CPQ: variants seen among roughly 807,000 people sequenced by gnomAD.
The protein encoded by CPQ is Ser-Met dipeptidase.
A neutral mutation model predicts 45.7 loss-of-function variants in CPQ; 37 were observed. The ratio of observed to expected loss-of-function variants is 0.81; its 90% CI spans 0.62 to 1.07. The LOEUF is 1.07. Ranked by LOEUF, CPQ falls within the 50% of genes least tolerant of loss-of-function variation. The pLI, the probability that CPQ is intolerant of heterozygous loss-of-function variation, is 0.00. For synonymous variants in CPQ, 186 were observed against 205.8 expected (o/e 0.90, Z 0.82); for missense variants, 537 against 572.9 (o/e 0.94, Z 0.64).
At chr8:96,918,806 T>C (rs1185058456) in intron 4 of CPQ, among the ~76,000 whole-genome samples, 2 of 152,072 alleles carry the variant, frequency 1.3e-5, no homozygotes, top group South Asian at 2.1e-4. Context: ...TCTCCTGGCA[T>C]TGGAAGGATG....
At chr8:96,956,834 C>A (rs996989936) in intron 4 of CPQ, among the ~76,000 whole-genome samples, 1 of 152,152 alleles carries the variant, frequency 6.6e-6, no homozygotes, top group Non-Finnish European at 1.5e-5. Context: ...AGTCTCAACA[C>A]AGGAGTTATT....
Position 97,137,006 on chromosome 8 carries a change from G to C in CPQ, c.1256-6014G>C, listed in dbSNP as rs1307592867. Among the ~76,000 whole-genome samples, 3 of 152,166 alleles carry C rather than the reference G, an allele frequency of 2.0e-5. No homozygotes were observed. The East Asian group carries it at 5.8e-4, about 29-fold the overall frequency. On this transcript the variant is annotated intron_variant, in intron 7 of 7. Coordinates refer to ENST00000220763, the MANE Select transcript of CPQ (RefSeq NM_016134.4). ...GATAAAATGTCTCCTTGGAACTACA[G>C]AGACAAAGTTGCAAGCCAGCCAGCG...
chr8:97,001,321 T>C (rs1809276333), intron 5 of CPQ, among the ~76,000 whole-genome samples: 2 of 151,882 alleles, frequency 1.3e-5, no homozygotes, highest in African/African-American at 4.8e-5. Flanking sequence ...TAGTGAAATC[T>C]GATTTTCAAG....
chr8:96,692,660 G>T (rs1047645779), intron 1 of CPQ, among the ~76,000 whole-genome samples: 2 of 152,152 alleles, frequency 1.3e-5, no homozygotes, highest in African/African-American at 4.8e-5. Context: ...CAGCTGCAAT[G>T]ACCAAAAACT....
chr8:96,695,490 A>G (rs1423236490), intron 1 of CPQ, among the ~76,000 whole-genome samples: 1 of 152,066 alleles, frequency 6.6e-6, no homozygotes, highest in African/African-American at 2.4e-5. Context: ...AACTACCATC[A>G]GAGTGAACAG....
chr8:96,942,566 G>C (rs1373250026), intron 4 of CPQ, among the ~76,000 whole-genome samples: 1 of 152,170 alleles, frequency 6.6e-6, no homozygotes, highest in Non-Finnish European at 1.5e-5. Context: ...AGCTGATACA[G>C]AAGATCCATC....
At chr8:96,819,468 A>C (rs564098085) in intron 2 of CPQ, among the ~76,000 whole-genome samples, 1 of 152,064 alleles carries the variant, frequency 6.6e-6, no homozygotes, top group African/African-American at 2.4e-5. Flanking sequence ...AATCAAAAGG[A>C]GTTAAATCAG....
chr8:96,755,386 A>C (rs1184739284), intron 1 of CPQ, among the ~76,000 whole-genome samples: 1 of 151,776 alleles, frequency 6.6e-6, no homozygotes, highest in African/African-American at 2.4e-5. Flanking sequence ...TTTAATTATT[A>C]CTTTCATTAT....
At chr8:97,056,683 C>T (rs1810460353) in intron 6 of CPQ, 1 of 152,122 alleles carries the variant, frequency 6.6e-6, no homozygotes, top group Non-Finnish European at 1.5e-5. Flanking sequence ...TTAGAGATTG[C>T]CTAAGCTCTG....
chr8:96,859,588 T>A (rs1811901222), intron 3 of CPQ, among the ~76,000 whole-genome samples: 1 of 152,190 alleles, frequency 6.6e-6, no homozygotes, highest in Non-Finnish European at 1.5e-5. Context: ...CTTTCTATAA[T>A]TTTACTGTTG....
At chr8:96,703,787 C>T (rs1809499268) in intron 1 of CPQ, among the ~76,000 whole-genome samples, 1 of 152,000 alleles carries the variant, frequency 6.6e-6, no homozygotes. Context: ...TATGGGTATC[C>T]TATACTCTGT....
At chr8:96,867,446 G>A (rs896411052) in intron 3 of CPQ, among the ~76,000 whole-genome samples, 12 of 151,806 alleles carry the variant, frequency 7.9e-5, no homozygotes, top group Non-Finnish European at 1.3e-4. Context: ...TTTATAGTCC[G>A]GTTGGTAGAG....
At chr8:97,123,002 TATA>T (rs1376383504) in intron 7 of CPQ, among the ~76,000 whole-genome samples, 1,049 of 15,104 alleles carry the variant, frequency 0.069, 167 homozygotes, top group Admixed American at 0.16. Context: ...TAAAATAAAA[TATA>T]AAATAAAATA....
chr8:96,901,997 A>G (rs1458679854), intron 4 of CPQ, among the ~76,000 whole-genome samples: 1 of 152,190 alleles, frequency 6.6e-6, no homozygotes, highest in Non-Finnish European at 1.5e-5. Context: ...ATTCAGCTTA[A>G]TAAGACTACA....
intron 4 of CPQ, among the ~76,000 whole-genome samples, chr8:96,901,216 A>G (rs1032400216): frequency 2.0e-5 from 3 of 152,150 alleles, no homozygotes; most frequent in African/African-American, 7.2e-5. Context: ...TTTCAGTCCA[A>G]TATGTGACAA....
intron 5 of CPQ, among the ~76,000 whole-genome samples, chr8:96,995,288 G>C (rs566822364): frequency 2.6e-5 from 4 of 152,164 alleles, no homozygotes; most frequent in South Asian, 2.1e-4. Flanking sequence ...TATAGTAAAT[G>C]CTCAAGAAAT....
intron 4 of CPQ, among the ~76,000 whole-genome samples, chr8:96,893,571 G>A (rs144159879): frequency 0.016 from 2,488 of 152,214 alleles, 68 homozygotes; most frequent in African/African-American, 0.054. Flanking sequence ...CAATAGGACT[G>A]ATAATAATGA....
intron 7 of CPQ, among the ~76,000 whole-genome samples, chr8:97,072,580 A>G (rs1810765330): frequency 6.6e-6 from 1 of 152,164 alleles, no homozygotes; most frequent in African/African-American, 2.4e-5. Context: ...GTATACCTAG[A>G]AAACCCTAAA....
intron 2 of CPQ, among the ~76,000 whole-genome samples, chr8:96,788,142 A>G (rs1024153631): frequency 4.3e-5 from 6 of 138,794 alleles, no homozygotes; most frequent in African/African-American, 1.3e-4. Context: ...TCTGGACTCC[A>G]TTGTTTCTTT....
Sources: allele counts gnomAD v4.1 joint callset (sites outside exome capture counted in the v4.1 genomes callset), GRCh38; gene constraint gnomAD v4.1.1; transcripts MANE v1.5; gene names NCBI Gene and HGNC (gene_info 2026-07-23, HGNC 2026-07-21).